Variants in CCDC178 observed in about 807,000 individuals in gnomAD.
The protein encoded by CCDC178 is coiled-coil domain-containing protein 178.
Under a neutral mutation model 117.4 loss-of-function variants are expected in CCDC178, and 126 were observed. That is an observed-to-expected ratio of 1.07 (90% confidence interval 0.93 to 1.24). CCDC178 has a LOEUF of 1.24. Ranked by LOEUF, CCDC178 falls within the 50% of genes most tolerant of loss-of-function variation. The pLI is 0.00. For missense variants in CCDC178, 1,030 were observed against 986.9 expected (o/e 1.04, Z -0.59); for synonymous variants, 283 against 313.4 (o/e 0.90, Z 1.02).
At chr18:32,981,455 G>T (rs4444410) in intron 21 of CCDC178, among the ~76,000 whole-genome samples, 1 of 152,122 alleles carries the variant, frequency 6.6e-6, no homozygotes, top group Non-Finnish European at 1.5e-5. Flanking sequence ...AGCTGGTAAG[G>T]TTACACAGAA....
intron 2 of CCDC178, among the ~76,000 whole-genome samples, chr18:33,430,313 T>C (rs1467307262): frequency 6.6e-6 from 1 of 152,268 alleles, no homozygotes; most frequent in Non-Finnish European, 1.5e-5. Context: ...GAAACACTTT[T>C]GATGAAATAG....
At chr18:33,183,783 C>T (rs1385262289) in intron 20 of CCDC178, among the ~76,000 whole-genome samples, 1 of 147,882 alleles carries the variant, frequency 6.8e-6, no homozygotes, top group Non-Finnish European at 1.5e-5. Flanking sequence ...CTACAAGTTT[C>T]TCTAGTCAGT....
chr18:33,001,929 AC>A (rs1466744216), intron 21 of CCDC178, among the ~76,000 whole-genome samples: 1 of 152,220 alleles, frequency 6.6e-6, no homozygotes, highest in Non-Finnish European at 1.5e-5. Flanking sequence ...ACAAAAAGAG[AC>A]AAAGAAGGTC....
At chr18:33,374,993 T>G (rs539547279) in intron 5 of CCDC178, among the ~76,000 whole-genome samples, 28 of 152,160 alleles carry the variant, frequency 1.8e-4, no homozygotes, top group South Asian at 4.1e-4. Context: ...GAATGAACTT[T>G]CTGGAAAGAT....
intron 20 of CCDC178, among the ~76,000 whole-genome samples, chr18:33,176,695 A>G (rs749305360): frequency 2.0e-5 from 3 of 151,996 alleles, no homozygotes; most frequent in Non-Finnish European, 2.9e-5. Flanking sequence ...CTATCATTTC[A>G]ATTACTACAG....
intron 3 of CCDC178, among the ~76,000 whole-genome samples, chr18:33,409,826 T>C (rs1000144080): frequency 8.5e-5 from 13 of 152,168 alleles, no homozygotes; most frequent in Non-Finnish European, 1.6e-4. Context: ...GCATTTCAAA[T>C]ATGGCTTTTA....
rs201777948 is a variant in CCDC178 at position 33,274,233 on chromosome 18, C to CA, written c.1177-6937dup. Among the ~76,000 whole-genome samples, 482 of 148,658 alleles carry CA rather than the reference C, an allele frequency of 3.2e-3. 4 individuals are homozygous for CA. The highest frequency in any genetic ancestry group is 0.011 in the African/African-American group (461 of 40,656). On this transcript the variant is annotated intron_variant, in intron 12 of 22. Transcript: ENST00000383096. ...GATGGCTTTATTTAAAAAGGGGTTT[C>CA]AAAAAAAAAGGACAGATAATACTGA...
rs574853061 is a variant in CCDC178, at chr18:33,418,330, A to T, written c.-22-6220T>A. On this transcript the variant is annotated intron_variant, in intron 2 of 22. Coordinates refer to ENST00000383096, the MANE Select transcript of CCDC178 (RefSeq NM_001105528.4). Reference sequence around the variant, plus strand: ...CTTCAACAAACCTGGCATCAAAGGAACATATCTCAAAATAATAAGAGCCAT... The same window carrying T: ...CTTCAACAAACCTGGCATCAAAGGATCATATCTCAAAATAATAAGAGCCAT... 2.2e-3 allele frequency among the ~76,000 whole-genome samples: 335 copies of T among 152,296 alleles called. 4 individuals are homozygous for T. Among genetic ancestry groups the T allele is most frequent in the African/African-American group, 7.6e-3 (316 of 41,562 alleles).
intron 6 of CCDC178, among the ~76,000 whole-genome samples, chr18:33,359,774 G>A (rs2063101580): frequency 6.6e-6 from 1 of 151,364 alleles, no homozygotes; most frequent in Admixed American, 6.6e-5. Context: ...CAAAGGAGGA[G>A]GGAGAGCTAA....
chr18:33,091,294 C>G lies in CCDC178; in HGVS notation c.2388+1467G>C, dbSNP rs1299624520. ...AGATTTTGGCAGATAGTTGTATTAT[C>G]AATTCTTTCCCAAACACACTTATTT... On this transcript the variant is annotated intron_variant, in intron 21 of 22. Transcript: ENST00000383096. 3.4e-5 allele frequency among the ~76,000 whole-genome samples: 4 copies of G among 118,876 alleles called. No individual in the cohort carries two copies. The East Asian group carries it at 1.1e-3, about 34-fold the overall frequency. 78.0% of individuals were successfully genotyped at this position (118,876 alleles called of 152,430 possible).
At chr18:33,376,517 C>T (rs2063368521) in intron 5 of CCDC178, among the ~76,000 whole-genome samples, 1 of 152,046 alleles carries the variant, frequency 6.6e-6, no homozygotes, top group South Asian at 2.1e-4. Flanking sequence ...TGGTGTAATG[C>T]TGAGGTTTGG....
intron 14 of CCDC178, among the ~76,000 whole-genome samples, chr18:33,264,573 G>A (rs1241066464): frequency 6.6e-6 from 1 of 152,024 alleles, no homozygotes; most frequent in Non-Finnish European, 1.5e-5. Context: ...ATCTCAGGGT[G>A]CTTTCTGGGT....
At chr18:33,129,304 C>G (rs895274125) in intron 20 of CCDC178, among the ~76,000 whole-genome samples, 1 of 152,036 alleles carries the variant, frequency 6.6e-6, no homozygotes, top group African/African-American at 2.4e-5. Flanking sequence ...AACACATGCT[C>G]TAATATTAAA....
At chr18:32,966,670 C>A (rs908625760) in intron 22 of CCDC178, among the ~76,000 whole-genome samples, 1 of 151,770 alleles carries the variant, frequency 6.6e-6, no homozygotes. Flanking sequence ...TTTAGAATCA[C>A]CTTCTTGAGC....
chr18:33,025,940 A>G (rs1418956656), intron 21 of CCDC178, among the ~76,000 whole-genome samples: 1 of 152,140 alleles, frequency 6.6e-6, no homozygotes, highest in East Asian at 1.9e-4. Flanking sequence ...AGCTTTATTC[A>G]TAATAGCTAA....
At chr18:33,028,841 T>G (rs1461082003) in intron 21 of CCDC178, among the ~76,000 whole-genome samples, 3 of 151,896 alleles carry the variant, frequency 2.0e-5, no homozygotes, top group Admixed American at 6.6e-5. Flanking sequence ...ATCCAGATAC[T>G]GAAATAACCT....
In CCDC178 at chr18:33,421,642, G is replaced by A. The variant is rs1316617649; in HGVS notation, c.-22-9532C>T. 3.9e-5 allele frequency among the ~76,000 whole-genome samples: 6 copies of A among 152,164 alleles called. No individual in the cohort carries two copies. In the South Asian group the frequency reaches 1.0e-3, roughly 26 times the overall value. On this transcript the variant is annotated intron_variant, in intron 2 of 22. Transcript: ENST00000383096. ...AGATGCACAAAAAGACAGGACAAGC[G>A]CTGTATCATTTGGCAGAACATAAGG...
chr18:33,175,055 T>G (rs2058648588), intron 20 of CCDC178, among the ~76,000 whole-genome samples: 1 of 151,056 alleles, frequency 6.6e-6, no homozygotes, highest in Non-Finnish European at 1.5e-5. Flanking sequence ...TTTTTTGGTA[T>G]TTTTAGTTGA....
At chr18:33,435,284 T>A (rs1376633014) in intron 2 of CCDC178, among the ~76,000 whole-genome samples, 1 of 152,162 alleles carries the variant, frequency 6.6e-6, no homozygotes, top group Non-Finnish European at 1.5e-5. Flanking sequence ...TTGGCTACAT[T>A]AACCACCTTC....
Sources: gnomAD v4.1 joint callset for allele counts (sites outside exome capture counted in the v4.1 genomes callset) on GRCh38, gnomAD v4.1.1 for gene constraint, MANE v1.5 for transcripts, NCBI Gene and HGNC (gene_info 2026-07-23, HGNC 2026-07-21) for gene names.